TPRG1: variants seen among roughly 807,000 people sequenced by gnomAD.
TPRG1 encodes tumor protein p63-regulated gene 1 protein.
Under a neutral mutation model 29.3 loss-of-function variants are expected in TPRG1, and 29 were observed. The observed-to-expected ratio is 0.99, with a 90% CI of 0.74 to 1.35. TPRG1 has a LOEUF of 1.35. Ranked by LOEUF, TPRG1 falls within the 40% of genes most tolerant of loss-of-function variation. TPRG1 has a pLI of 0.00. For synonymous variants in TPRG1, 130 were observed against 116.8 expected (o/e 1.11, Z -0.73); for missense variants, 327 against 335.0 (o/e 0.98, Z 0.19).
chr3:189,152,834 CT>C (rs1442040314), intron 5 of TPRG1, among the ~76,000 whole-genome samples: 10 of 150,496 alleles, frequency 6.6e-5, no homozygotes, highest in African/African-American at 2.2e-4. Flanking sequence ...GGATTGCTAC[CT>C]GCCATTATTA....
Position 189,204,151 on chromosome 3 carries a change from T to C in TPRG1, c.-9-3225T>C, listed in dbSNP as rs186774466. ...TACTCTCTAAATGAAGATATAAATT[T>C]ACTGGGAAATATTACAGAACAGCAA... On this transcript the variant is annotated intron_variant, in intron 1 of 5. Coordinates refer to ENST00000345063, the MANE Select transcript of TPRG1 (RefSeq NM_198485.4). Among the ~76,000 whole-genome samples, 14 of 152,310 alleles carry C rather than the reference T, an allele frequency of 9.2e-5. No individual in the cohort carries two copies. The East Asian group carries it at 2.7e-3, about 29-fold the overall frequency.
chr3:189,265,720 C>A (rs986989720), intron 4 of TPRG1, among the ~76,000 whole-genome samples: 1 of 152,166 alleles, frequency 6.6e-6, no homozygotes, highest in Admixed American at 6.5e-5. Context: ...TCCTACTCCC[C>A]CTCCTTCTGT....
chr3:189,030,971 T>C (rs1713899940), intron 4 of TPRG1, among the ~76,000 whole-genome samples: 1 of 152,138 alleles, frequency 6.6e-6, no homozygotes. Context: ...GGAGAAAATA[T>C]TCAATAAAAA....
intron 3 of TPRG1, among the ~76,000 whole-genome samples, chr3:189,132,926 G>T (rs982739907): frequency 1.3e-5 from 2 of 152,120 alleles, no homozygotes; most frequent in African/African-American, 2.4e-5. Flanking sequence ...GGGGGATGGA[G>T]ATATAATCAA....
intron 3 of TPRG1, among the ~76,000 whole-genome samples, chr3:189,230,940 G>A (rs189006605): frequency 6.6e-6 from 1 of 152,200 alleles, no homozygotes; most frequent in East Asian, 1.9e-4. Flanking sequence ...GTCTTCTGAT[G>A]GGGGCTCGTA....
At chr3:189,052,917 C>T (rs1715421874) in intron 4 of TPRG1, among the ~76,000 whole-genome samples, 1 of 152,056 alleles carries the variant, frequency 6.6e-6, no homozygotes, top group African/African-American at 2.4e-5. Context: ...ATACAATGGA[C>T]TTTGGGGACT....
chr3:189,021,681 A>C (rs1431628835), intron 3 of TPRG1, among the ~76,000 whole-genome samples: 1 of 152,016 alleles, frequency 6.6e-6, no homozygotes, highest in Non-Finnish European at 1.5e-5. Flanking sequence ...CCATCATTTC[A>C]ACTTTGGTGA....
intron 3 of TPRG1, among the ~76,000 whole-genome samples, chr3:189,141,187 T>G (rs1426128241): frequency 2.6e-5 from 4 of 152,252 alleles, no homozygotes; most frequent in African/African-American, 7.2e-5. Context: ...ATTTCCATCC[T>G]TATACATCTC....
intron 3 of TPRG1, among the ~76,000 whole-genome samples, chr3:189,231,432 C>T (rs149290311): frequency 2.2e-4 from 33 of 152,162 alleles, no homozygotes; most frequent in Non-Finnish European, 4.4e-4. Context: ...CTCATTAACT[C>T]ATTTGTTATT....
At chr3:189,218,371 C>G (rs1736412546) in intron 3 of TPRG1, among the ~76,000 whole-genome samples, 1 of 152,150 alleles carries the variant, frequency 6.6e-6, no homozygotes, top group Non-Finnish European at 1.5e-5. Context: ...CTGCCTCGGC[C>G]TCCCAAAGTG....
intron 4 of TPRG1, among the ~76,000 whole-genome samples, chr3:189,264,942 A>G (rs1298226396): frequency 6.6e-6 from 1 of 152,236 alleles, no homozygotes; most frequent in Non-Finnish European, 1.5e-5. Flanking sequence ...GAAAAATTGT[A>G]AACAGTGCTA....
intron 4 of TPRG1, among the ~76,000 whole-genome samples, chr3:189,040,948 GCCTGTTCAGCC>G (rs1181107180): frequency 3.3e-5 from 5 of 152,124 alleles, no homozygotes; most frequent in African/African-American, 7.2e-5. Context: ...GGCTCCTCAA[GCCTGTTCAGCC>G]CTGGTCGCCC....
At chr3:189,211,072 T>C (rs1211119921) in intron 2 of TPRG1, among the ~76,000 whole-genome samples, 2 of 152,200 alleles carry the variant, frequency 1.3e-5, no homozygotes, top group African/African-American at 4.8e-5. Context: ...TCTGCTCTTA[T>C]ATATTTAGGT....
At chr3:189,041,757 G>A (rs990892740) in intron 4 of TPRG1, among the ~76,000 whole-genome samples, 3 of 152,196 alleles carry the variant, frequency 2.0e-5, no homozygotes, top group African/African-American at 7.2e-5. Flanking sequence ...TTCAAGTGGA[G>A]GCGAAGGGTT....
At chr3:189,181,838 T>A (rs1212664169) in intron 1 of TPRG1, among the ~76,000 whole-genome samples, 1 of 152,210 alleles carries the variant, frequency 6.6e-6, no homozygotes, top group Non-Finnish European at 1.5e-5. Flanking sequence ...TTCACACTGC[T>A]GATAAAGACA....
At chr3:189,043,937 C>T (rs1714796280) in intron 4 of TPRG1, among the ~76,000 whole-genome samples, 1 of 152,034 alleles carries the variant, frequency 6.6e-6, no homozygotes, top group South Asian at 2.1e-4. Context: ...TTGAGCAATA[C>T]CCAGTAGTGA....
At chr3:189,011,459 T>C (rs1232530834) in intron 3 of TPRG1, among the ~76,000 whole-genome samples, 1 of 152,180 alleles carries the variant, frequency 6.6e-6, no homozygotes, top group East Asian at 1.9e-4. Flanking sequence ...GAAAGAAATT[T>C]AATGGAGAAC....
chr3:189,132,095 G>A (rs1018539805), intron 2 of TPRG1, among the ~76,000 whole-genome samples: 1 of 152,134 alleles, frequency 6.6e-6, no homozygotes, highest in Non-Finnish European at 1.5e-5. Context: ...GAACTTCTGG[G>A]AAAAGGACAA....
chr3:189,052,122 G>T (rs1020325782), intron 4 of TPRG1, among the ~76,000 whole-genome samples: 5 of 152,178 alleles, frequency 3.3e-5, no homozygotes, highest in Admixed American at 2.6e-4. Context: ...AAGAGCTTTT[G>T]CACGGCAAAA....
Sources: allele counts gnomAD v4.1 joint callset (sites outside exome capture counted in the v4.1 genomes callset), GRCh38; gene constraint gnomAD v4.1.1; transcripts MANE v1.5; gene names NCBI Gene and HGNC (gene_info 2026-07-23, HGNC 2026-07-21).